Variants in PABPC4L observed in about 807,000 individuals in gnomAD.
PABPC4L encodes the protein poly(A) binding protein cytoplasmic 4 like.
For missense variants in PABPC4L, 452 were observed against 451.4 expected, an observed-to-expected ratio of 1.00 and a Z score of -0.01; for synonymous variants, 169 against 164.1, an observed-to-expected ratio of 1.03 and a Z score of -0.23.
chr4:134,042,474 A>C, the PABPC4L span, among the ~76,000 whole-genome samples: 1 of 152,202 alleles, frequency 6.6e-6, no homozygotes. Flanking sequence ...ATGTATTGAC[A>C]ATTTATAATT....
the PABPC4L span, among the ~76,000 whole-genome samples, chr4:134,047,793 C>A: frequency 2.2e-5 from 3 of 136,270 alleles, no homozygotes; most frequent in South Asian, 4.8e-4. Flanking sequence ...GTGTTTTTTT[C>A]TCTACAGCTG....
rs2125709320 is a variant in PABPC4L at position 134,199,714 on chromosome 4, A to C, written c.*193T>G. The C allele has an allele frequency of 3.1e-6, 2 of 636,174 alleles. 1 individual carries two copies. Among genetic ancestry groups the C allele is most frequent in the South Asian group, 4.9e-5 (2 of 40,828 alleles). 39.4% of individuals were successfully genotyped at this position (636,174 alleles called of 1,614,324 possible). On this transcript the variant is annotated 3_prime_UTR_variant, in exon 2 of 2. Transcript: ENST00000421491. ...AAATTAGAAAATGTGCCTCTGTAAAATGAACTAAGCTCCATCTATTTTTCC... is the reference window on the plus strand; with the variant it reads ...AAATTAGAAAATGTGCCTCTGTAAACTGAACTAAGCTCCATCTATTTTTCC...
downstream of PABPC4L, among the ~76,000 whole-genome samples, chr4:134,191,433 C>T (rs1729509548): frequency 6.6e-6 from 1 of 152,026 alleles, no homozygotes; most frequent in African/African-American, 2.4e-5. Context: ...GAATATGCCA[C>T]ATGTTAGCTA....
At chr4:134,109,306 C>A in the PABPC4L span, among the ~76,000 whole-genome samples, 1 of 151,454 alleles carries the variant, frequency 6.6e-6, no homozygotes, top group African/African-American at 2.4e-5. Flanking sequence ...CATTTGGTGG[C>A]TTTTAGAGAA....
In PABPC4L at chr4:134,200,902, G is replaced by A. The variant is rs1436460887; in HGVS notation, c.118C>T (p.Arg40Cys). 3.8e-6 allele frequency: 6 copies of A among 1,560,778 alleles called. No individual in the cohort carries two copies. Among genetic ancestry groups the A allele is most frequent in the South Asian group, 1.2e-5 (1 of 84,614 alleles). ...FSTVGPVLSI[R>C]ICRDQVTRRS... is the part of the protein sequence containing the mutation. ...CGGGTGACCTGGTCCCTGCAAATGC[G>A]GATGGACAGCACAGGCCCCACAGTG... Residue 40 changes from arginine (R) to cysteine (C), a missense_variant, in exon 2 of 2, where the codon CGC (arginine) becomes TGC (cysteine). Coordinates refer to ENST00000421491, the MANE Select transcript of PABPC4L (RefSeq NM_001114734.2).
chr4:134,167,955 T>C, the PABPC4L span, among the ~76,000 whole-genome samples: 1 of 152,060 alleles, frequency 6.6e-6, no homozygotes, highest in Non-Finnish European at 1.5e-5. Flanking sequence ...TAGACACTTA[T>C]AGAACATTTC....
At chr4:134,193,486 T>C (rs1289022299), downstream of PABPC4L, among the ~76,000 whole-genome samples, 2 of 151,926 alleles carry the variant, frequency 1.3e-5, no homozygotes, top group Non-Finnish European at 2.9e-5. Flanking sequence ...TGATCTAATT[T>C]TGAAAAAAGG....
the PABPC4L span, among the ~76,000 whole-genome samples, chr4:134,090,905 T>G: frequency 3.3e-5 from 5 of 152,216 alleles, no homozygotes; most frequent in Admixed American, 3.3e-4. Flanking sequence ...TGCATTTCCA[T>G]AAACTGTTAG....
At chr4:133,990,734 A>AT in the PABPC4L span, among the ~76,000 whole-genome samples, 1 of 151,650 alleles carries the variant, frequency 6.6e-6, no homozygotes, top group Admixed American at 6.6e-5. Flanking sequence ...AACATTGCCG[A>AT]CCCCCCCAGT....
chr4:134,172,942 AAC>A, the PABPC4L span, among the ~76,000 whole-genome samples: 3 of 151,984 alleles, frequency 2.0e-5, no homozygotes, highest in African/African-American at 4.8e-5. Flanking sequence ...ACAAATGACC[AAC>A]AGTTTTATGA....
the PABPC4L span, among the ~76,000 whole-genome samples, chr4:134,077,417 C>T: frequency 6.6e-6 from 1 of 152,024 alleles, no homozygotes; most frequent in Non-Finnish European, 1.5e-5. Context: ...CTGATTCATT[C>T]AGTGCATTAG....
chr4:133,964,910 G>A, the PABPC4L span, among the ~76,000 whole-genome samples: 1 of 152,072 alleles, frequency 6.6e-6, no homozygotes, highest in South Asian at 2.1e-4. Flanking sequence ...ACTGGAACAA[G>A]ACAAGGATAC....
chr4:133,963,796 C>T, the PABPC4L span, among the ~76,000 whole-genome samples: 1 of 151,948 alleles, frequency 6.6e-6, no homozygotes, highest in East Asian at 1.9e-4. Context: ...GTGACACAAC[C>T]TATCAAAACC....
chr4:133,963,009 G>A, the PABPC4L span, among the ~76,000 whole-genome samples: 4 of 152,096 alleles, frequency 2.6e-5, no homozygotes, highest in Admixed American at 1.3e-4. Flanking sequence ...AACATTAAAT[G>A]TAAATGGCCT....
At chr4:134,105,181 A>G in the PABPC4L span, among the ~76,000 whole-genome samples, 1 of 151,736 alleles carries the variant, frequency 6.6e-6, no homozygotes, top group Admixed American at 6.6e-5. Context: ...TCAAATGCAA[A>G]TATCATCAGA....
At chr4:134,036,440 A>G in the PABPC4L span, among the ~76,000 whole-genome samples, 9 of 152,260 alleles carry the variant, frequency 5.9e-5, no homozygotes, top group East Asian at 1.2e-3. Context: ...AATCATAAGT[A>G]TAGTACTGGG....
At chr4:134,060,772 A>G in the PABPC4L span, among the ~76,000 whole-genome samples, 1 of 151,998 alleles carries the variant, frequency 6.6e-6, no homozygotes, top group Non-Finnish European at 1.5e-5. Context: ...ATTTGCAACA[A>G]CATGGATGGA....
At chr4:134,164,281 A>T in the PABPC4L span, among the ~76,000 whole-genome samples, 2 of 148,986 alleles carry the variant, frequency 1.3e-5, no homozygotes, top group African/African-American at 4.9e-5. Flanking sequence ...AAAAAAAAAA[A>T]AAAAAAAAAA....
chr4:134,061,056 T>G, the PABPC4L span, among the ~76,000 whole-genome samples: 1 of 151,954 alleles, frequency 6.6e-6, no homozygotes, highest in South Asian at 2.1e-4. Flanking sequence ...CAATTGTGCA[T>G]TTAAAAATAA....
Sources: gnomAD v4.1 joint callset for allele counts (sites outside exome capture counted in the v4.1 genomes callset) on GRCh38, gnomAD v4.1.1 for gene constraint, MANE v1.5 for transcripts, NCBI Gene and HGNC (gene_info 2026-07-23, HGNC 2026-07-21) for gene names.